The following TLK2 variants were observed in gnomAD, a reference collection of about 807,000 sequenced individuals.
TLK2 encodes serine/threonine-protein kinase tousled-like 2.
In TLK2, 6 loss-of-function variants were observed where a neutral mutation model predicts 117.3. The observed-to-expected ratio is 0.05, with a 90% CI of 0.03 to 0.10. The LOEUF (loss-of-function observed/expected upper bound fraction) is 0.10. TLK2 is among the 10% of genes least tolerant of loss of function. The pLI is 1.00. For synonymous variants in TLK2, 257 were observed against 316.7 expected, an observed-to-expected ratio of 0.81 and a Z score of 2.00; for missense variants, 299 against 901.2, an observed-to-expected ratio of 0.33 and a Z score of 8.56.
At chr17:62,528,230 A>G (rs1598396685) in intron 6 of TLK2, among the ~76,000 whole-genome samples, 1 of 152,340 alleles carries the variant, frequency 6.6e-6, no homozygotes, top group East Asian at 1.9e-4. Flanking sequence ...AATTGTGCTG[A>G]CAGGGAAGAA....
At chr17:62,538,153 A>G (rs2077248928) in intron 7 of TLK2, among the ~76,000 whole-genome samples, 1 of 146,260 alleles carries the variant, frequency 6.8e-6, no homozygotes, top group African/African-American at 2.5e-5. Flanking sequence ...CTCCTGCCTC[A>G]GCCTCCCGAG....
At chr17:62,484,161 A>G (rs1341365439) in intron 2 of TLK2, among the ~76,000 whole-genome samples, 1 of 151,832 alleles carries the variant, frequency 6.6e-6, no homozygotes, top group Non-Finnish European at 1.5e-5. Context: ...CAGTCACGGT[A>G]AGTATATTGA....
At chr17:62,608,668 G>A (rs2083493373) in intron 21 of TLK2, among the ~76,000 whole-genome samples, 1 of 152,162 alleles carries the variant, frequency 6.6e-6, no homozygotes, top group Admixed American at 6.5e-5. Flanking sequence ...AGGAAACTTA[G>A]GTAACCACCC....
chr17:62,580,272 A>G (rs2081112737), intron 15 of TLK2, 80 bp downstream of exon 15: 3 of 1,037,752 alleles, frequency 2.9e-6, no homozygotes, highest in Non-Finnish European at 4.2e-6. Flanking sequence ...AAGAATACTG[A>G]TAATTGTAGG....
chr17:62,515,821 TTAAATTTTGA>T (rs1299593673), intron 2 of TLK2, among the ~76,000 whole-genome samples: 1 of 152,230 alleles, frequency 6.6e-6, no homozygotes, highest in Non-Finnish European at 1.5e-5. Flanking sequence ...TGCACAGATT[TTAAATTTTGA>T]TGTCTATTTT....
intron 7 of TLK2, among the ~76,000 whole-genome samples, chr17:62,544,371 G>A (rs1010408872): frequency 6.6e-6 from 1 of 152,208 alleles, no homozygotes; most frequent in Non-Finnish European, 1.5e-5. Flanking sequence ...TCTCAGGAAA[G>A]AGAATGAGAG....
At chr17:62,563,729 A>G (rs992373077) in intron 10 of TLK2, among the ~76,000 whole-genome samples, 4 of 152,310 alleles carry the variant, frequency 2.6e-5, no homozygotes, top group African/African-American at 9.6e-5. Context: ...GGCTGTGAAC[A>G]CCAGTTTTTT....
chr17:62,573,078 A>T, intron 11 of TLK2, 137 bp from the exon 12 acceptor site: 1 of 950,392 alleles, frequency 1.1e-6, no homozygotes, highest in African/African-American at 1.7e-5. Context: ...ATCTGAAGTT[A>T]AAATCAAATC....
intron 2 of TLK2, among the ~76,000 whole-genome samples, chr17:62,506,586 G>C (rs1354454285): frequency 6.6e-6 from 1 of 151,922 alleles, no homozygotes; most frequent in Non-Finnish European, 1.5e-5. Flanking sequence ...TAAACTTATT[G>C]GTCACTGAAT....
chr17:62,526,118 C>G (rs1426767685), intron 6 of TLK2, among the ~76,000 whole-genome samples: 1 of 152,152 alleles, frequency 6.6e-6, no homozygotes, highest in Non-Finnish European at 1.5e-5. Context: ...GTGGCTGAGC[C>G]TCATCATCAT....
At chr17:62,511,276 T>C (rs1044886652) in intron 2 of TLK2, among the ~76,000 whole-genome samples, 11 of 152,298 alleles carry the variant, frequency 7.2e-5, no homozygotes, top group African/African-American at 2.6e-4. Flanking sequence ...ACCCACTCAC[T>C]CTCCCTTGAA....
chr17:62,477,162 T>TA (rs1231934877), upstream of TLK2, among the ~76,000 whole-genome samples: 13 of 152,196 alleles, frequency 8.5e-5, no homozygotes, highest in African/African-American at 2.9e-4. Context: ...TGGCTGCAAT[T>TA]AAAGACCTAG....
upstream of TLK2, among the ~76,000 whole-genome samples, chr17:62,474,543 G>A (rs189514673): frequency 3.6e-3 from 552 of 151,868 alleles, 2 homozygotes; most frequent in African/African-American, 0.013. Flanking sequence ...CCAAGTAGCC[G>A]GGACTACAGG....
intron 2 of TLK2, among the ~76,000 whole-genome samples, chr17:62,508,742 C>T (rs192331011): frequency 1.3e-4 from 20 of 152,216 alleles, no homozygotes; most frequent in African/African-American, 4.1e-4. Context: ...CGAGGGCAGG[C>T]GGATCACCTG....
At chr17:62,598,529 CT>C (rs1206412003) in intron 17 of TLK2, among the ~76,000 whole-genome samples, 4 of 148,462 alleles carry the variant, frequency 2.7e-5, no homozygotes, top group Non-Finnish European at 3.0e-5. Context: ...GGTTGTTTTC[CT>C]TTTTTTTTTC....
intron 14 of TLK2, 85 bp downstream of exon 14, chr17:62,578,659 T>A: frequency 9.9e-7 from 1 of 1,014,780 alleles, no homozygotes; most frequent in Non-Finnish European, 1.5e-6. Context: ...TGTGTTTGCT[T>A]AATGTAAGTT....
chr17:62,589,573 G>T (rs2081918775), intron 16 of TLK2, among the ~76,000 whole-genome samples: 1 of 152,152 alleles, frequency 6.6e-6, no homozygotes. Context: ...GCGACACTCT[G>T]CAAATTCCCT....
intron 20 of TLK2, 80 bp downstream of exon 20, chr17:62,606,321 T>A: frequency 1.4e-6 from 1 of 727,892 alleles, no homozygotes; most frequent in Non-Finnish European, 2.2e-6. Flanking sequence ...TATGGATTAG[T>A]CTATTGGAGT....
In TLK2 at chr17:62,489,171, G is replaced by T. The variant is rs541884746; in HGVS notation, c.81+7965G>T. ...CGCCATTGCTGTTCTGTATTTAATT[G>T]TACGTGTGTGTGTGTGTGTGTGTGT... On this transcript the variant is annotated intron_variant, in intron 2 of 21. Coordinates refer to ENST00000346027, the MANE Select transcript of TLK2 (RefSeq NM_006852.6). Among the ~76,000 whole-genome samples, 75 of 92,680 alleles carry T rather than the reference G, an allele frequency of 8.1e-4. No homozygotes were observed. In the South Asian group the frequency reaches 0.032, roughly 40 times the overall value. The allele number at this position is 92,680 out of a possible 152,430, so 60.8% of individuals were successfully genotyped here. A position where few individuals can be genotyped will look rare whatever the true frequency, so the allele number is the denominator to read the frequency against.
Sources: gnomAD v4.1 joint callset for allele counts (sites outside exome capture counted in the v4.1 genomes callset) on GRCh38, gnomAD v4.1.1 for gene constraint, MANE v1.5 for transcripts, NCBI Gene and HGNC (gene_info 2026-07-23, HGNC 2026-07-21) for gene names.